The following SGCD variants were observed in gnomAD, a reference collection of about 807,000 sequenced individuals.
SGCD encodes delta-sarcoglycan.
SGCD carries 18 observed loss-of-function variants against 36.6 expected under a neutral mutation model. That is an observed-to-expected ratio of 0.49 (90% CI 0.34 to 0.73). SGCD has a LOEUF of 0.73. Among genes scored for constraint, SGCD ranks in the 30% least tolerant of loss-of-function variants. The pLI, the probability that SGCD is intolerant of heterozygous loss-of-function variation, is 0.01. For synonymous variants in SGCD, 133 were observed against 130.6 expected (o/e 1.02, Z -0.12); for missense variants, 387 against 346.7 (o/e 1.12, Z -0.92).
chr5:156,305,628 G>T (rs72811750), intron 3 of SGCD, among the ~76,000 whole-genome samples: 10,924 of 152,232 alleles, frequency 0.072, 419 homozygotes, highest in South Asian at 0.18. Context: ...TTGGAGCTGT[G>T]AGAAGAGCAC....
upstream of SGCD, among the ~76,000 whole-genome samples, chr5:155,865,481 T>G (rs114365178): frequency 0.012 from 1,866 of 152,256 alleles, 45 homozygotes; most frequent in African/African-American, 0.043. Context: ...TGCAGATAAT[T>G]GTGAATGTTG....
intron 7 of SGCD, among the ~76,000 whole-genome samples, chr5:156,691,282 A>G (rs1239940950): frequency 6.6e-6 from 1 of 151,446 alleles, no homozygotes; most frequent in African/African-American, 2.4e-5. Context: ...TCTACTAGGT[A>G]CATGTGGCTA....
At chr5:155,910,677 T>C (rs1490937266) in intron 1 of SGCD, among the ~76,000 whole-genome samples, 1 of 152,124 alleles carries the variant, frequency 6.6e-6, no homozygotes. Context: ...CCTGATAGAA[T>C]TATTTTTCCT....
At chr5:156,210,672 A>T (rs1215171437) in intron 3 of SGCD, among the ~76,000 whole-genome samples, 1 of 151,688 alleles carries the variant, frequency 6.6e-6, no homozygotes, top group Non-Finnish European at 1.5e-5. Flanking sequence ...AATGAAATGA[A>T]AAAAAATGCA....
intron 3 of SGCD, among the ~76,000 whole-genome samples, chr5:156,184,876 A>G (rs1424660234): frequency 2.0e-5 from 3 of 152,206 alleles, no homozygotes; most frequent in Non-Finnish European, 2.9e-5. Context: ...TGTTGCCCTG[A>G]AGCTGAGATT....
At chr5:156,455,746 C>A (rs891292745) in intron 3 of SGCD, among the ~76,000 whole-genome samples, 1 of 152,194 alleles carries the variant, frequency 6.6e-6, no homozygotes, top group African/African-American at 2.4e-5. Context: ...AGTCCTAACT[C>A]CAGGTGGCTG....
the SGCD span, among the ~76,000 whole-genome samples, chr5:155,754,573 A>G: frequency 2.0e-5 from 3 of 152,366 alleles, no homozygotes; most frequent in Non-Finnish European, 4.4e-5. Context: ...ACAATTACCC[A>G]GATAATCACA....
the SGCD span, among the ~76,000 whole-genome samples, chr5:155,781,160 A>T: frequency 1.3e-5 from 2 of 152,234 alleles, no homozygotes; most frequent in African/African-American, 4.8e-5. Context: ...CCTAAAAGTC[A>T]AGAAGCAGTT....
intron 3 of SGCD, among the ~76,000 whole-genome samples, chr5:156,379,085 G>A (rs1028352219): frequency 2.6e-5 from 4 of 152,020 alleles, no homozygotes; most frequent in African/African-American, 9.7e-5. Context: ...ATTATTGAAA[G>A]TACCTATCAG....
At chr5:155,740,650 A>AATTT in the SGCD span, among the ~76,000 whole-genome samples, 1 of 152,200 alleles carries the variant, frequency 6.6e-6, no homozygotes, top group East Asian at 1.9e-4. Context: ...GGTCTTGAGC[A>AATTT]GCTATACTCT....
chr5:156,360,796 G>A (rs1298891283), intron 3 of SGCD, among the ~76,000 whole-genome samples: 1 of 152,014 alleles, frequency 6.6e-6, no homozygotes, highest in Non-Finnish European at 1.5e-5. Context: ...TTTCTACTGA[G>A]AGCCATTTTC....
chr5:156,450,892 A>G (rs183663831), intron 3 of SGCD, among the ~76,000 whole-genome samples: 20 of 152,304 alleles, frequency 1.3e-4, no homozygotes, highest in African/African-American at 4.8e-4. Context: ...TAGACATTAT[A>G]GAAAATTTCA....
At chr5:156,209,058 A>T (rs1379882912) in intron 3 of SGCD, among the ~76,000 whole-genome samples, 2 of 152,016 alleles carry the variant, frequency 1.3e-5, no homozygotes, top group African/African-American at 2.4e-5. Context: ...ATTGCCTCAG[A>T]CTCTAACACC....
intron 3 of SGCD, among the ~76,000 whole-genome samples, chr5:156,258,977 A>C (rs555908184): frequency 6.6e-6 from 1 of 152,134 alleles, no homozygotes; most frequent in South Asian, 2.1e-4. Flanking sequence ...TCTGACTAAA[A>C]TTCTTTACCC....
intron 3 of SGCD, among the ~76,000 whole-genome samples, chr5:156,214,039 A>T (rs1764514885): frequency 6.6e-6 from 1 of 152,020 alleles, no homozygotes; most frequent in Non-Finnish European, 1.5e-5. Context: ...TTCTGATATC[A>T]GGAGCAAGAC....
At chr5:156,336,881 G>A (rs541965610) in intron 2 of SGCD, among the ~76,000 whole-genome samples, 1 of 152,230 alleles carries the variant, frequency 6.6e-6, no homozygotes, top group South Asian at 2.1e-4. Flanking sequence ...GCTAAGAATT[G>A]GAATATATAA....
At chr5:155,746,429 C>G in the SGCD span, among the ~76,000 whole-genome samples, 1 of 152,066 alleles carries the variant, frequency 6.6e-6, no homozygotes, top group Non-Finnish European at 1.5e-5. Flanking sequence ...AGTGGGCTGA[C>G]AGTAGCAGCC....
intron 3 of SGCD, chr5:156,458,308 C>G: frequency 1.2e-6 from 1 of 864,574 alleles, no homozygotes; most frequent in East Asian, 2.7e-5. Flanking sequence ...TGGAAATTCA[C>G]TTTGTAACAT....
chr5:156,729,499 G>A (rs986768053), intron 7 of SGCD, among the ~76,000 whole-genome samples: 5 of 152,192 alleles, frequency 3.3e-5, no homozygotes, highest in Admixed American at 1.3e-4. Flanking sequence ...TCTCAGGGTT[G>A]TAGCAAGCAT....
Sources: gnomAD v4.1 joint callset for allele counts (sites outside exome capture counted in the v4.1 genomes callset) on GRCh38, gnomAD v4.1.1 for gene constraint, MANE v1.5 for transcripts, NCBI Gene and HGNC (gene_info 2026-07-23, HGNC 2026-07-21) for gene names.